Variants in PTPRB observed in about 807,000 individuals in gnomAD.
PTPRB encodes the protein protein tyrosine phosphatase receptor type B, also known as receptor-type tyrosine-protein phosphatase beta.
In PTPRB, 97 loss-of-function variants were observed where a neutral mutation model predicts 238.1. The ratio of observed to expected loss-of-function variants is 0.41; its 90% CI spans 0.35 to 0.48. The LOEUF is 0.48. Among genes scored for constraint, PTPRB ranks in the 20% least tolerant of loss-of-function variants. The pLI is 0.30. For missense variants in PTPRB, 2,292 were observed against 2,681.9 expected (o/e 0.85, Z 3.21); for synonymous variants, 970 against 995.4 (o/e 0.97, Z 0.48).
At chr12:70,574,703 A>G (rs1358963686) in intron 11 of PTPRB, among the ~76,000 whole-genome samples, 1 of 152,218 alleles carries the variant, frequency 6.6e-6, no homozygotes, top group Non-Finnish European at 1.5e-5. Flanking sequence ...CATTAAGATA[A>G]TCAGCCAAAA....
intron 3 of PTPRB, among the ~76,000 whole-genome samples, chr12:70,614,724 G>A (rs1884604378): frequency 6.6e-6 from 1 of 152,098 alleles, no homozygotes; most frequent in African/African-American, 2.4e-5. Context: ...TAGCAATCAG[G>A]GAAATGTGTC....
intron 22 of PTPRB, 62 bp downstream of exon 22, chr12:70,544,495 C>A: frequency 8.8e-7 from 1 of 1,140,422 alleles, no homozygotes; most frequent in Non-Finnish European, 1.3e-6. Context: ...AATATCTCCC[C>A]ATTAGAGGCT....
chr12:70,545,100 T>C (rs183708854), intron 21 of PTPRB, among the ~76,000 whole-genome samples: 187 of 152,310 alleles, frequency 1.2e-3, no homozygotes, highest in African/African-American at 4.3e-3. Context: ...GTGAGAAGTG[T>C]TGGATATATC....
intron 16 of PTPRB, 124 bp downstream of exon 16, chr12:70,562,720 G>T (rs1186725822): frequency 8.0e-7 from 1 of 1,256,128 alleles, no homozygotes; most frequent in Non-Finnish European, 1.1e-6. Context: ...CAGCCTGAAA[G>T]TCACAAATGC....
chr12:70,572,951 T>C (rs1880260116), intron 11 of PTPRB, among the ~76,000 whole-genome samples: 1 of 151,812 alleles, frequency 6.6e-6, no homozygotes, highest in Admixed American at 6.6e-5. Flanking sequence ...ATTAAAAAAC[T>C]ATATAAAAAC....
rs1378146228 is a variant in PTPRB at position 70,576,751 on chromosome 12, G to A, written c.2579-106C>T. ...TCTATTGCAGTCAGCACAAACCGTGGACTCACTCAGGAGATCTAATCTGAT... is the reference window on the plus strand; with the variant it reads ...TCTATTGCAGTCAGCACAAACCGTGAACTCACTCAGGAGATCTAATCTGAT... On this transcript the variant is annotated intron_variant, in intron 10 of 33. Coordinates refer to ENST00000334414, the MANE Select transcript of PTPRB (RefSeq NM_001109754.4). The A allele has an allele frequency of 7.7e-6, 5 of 650,280 alleles. No individual in the cohort carries two copies. In the African/African-American group the frequency reaches 9.1e-5, roughly 12 times the overall value. The allele number at this position is 650,280 out of a possible 1,614,324, so 40.3% of individuals were successfully genotyped here.
At chr12:70,531,956 G>T (rs1873312817) in intron 32 of PTPRB, 79 bp downstream of exon 32, 13 of 1,529,940 alleles carry the variant, frequency 8.5e-6, no homozygotes, top group African/African-American at 1.4e-5. Flanking sequence ...CCCCTTGTCA[G>T]ATTAAGGTCC....
chr12:70,520,141 C>CTCA lies in PTPRB; in HGVS notation c.*1345_*1347dup, dbSNP rs1221839221. On this transcript the variant is annotated 3_prime_UTR_variant, in exon 34 of 34. Transcript: ENST00000334414. The stretch of plus-strand genomic sequence containing the variant: ...GTGTGAAAAAGGCAAACATCTCCAG[C>CTCA]TCATCTTCTCAGGTATCTATGAAGA... 9.3e-6 allele frequency: 4 copies of CTCA among 431,514 alleles called. No homozygotes were observed. Among genetic ancestry groups the CTCA allele is most frequent in the African/African-American group, 4.1e-5 (2 of 48,842 alleles). The allele number at this position is 431,514 out of a possible 1,614,324, so 26.7% of individuals were successfully genotyped here.
At chr12:70,548,323 C>CTA in intron 21 of PTPRB, among the ~76,000 whole-genome samples, 2 of 55,200 alleles carry the variant, frequency 3.6e-5, no homozygotes, top group African/African-American at 1.8e-4. Flanking sequence ...GCAAGACTCT[C>CTA]TCTCTCTCTC....
intron 3 of PTPRB, among the ~76,000 whole-genome samples, chr12:70,621,256 A>C (rs935110649): frequency 2.6e-5 from 4 of 152,118 alleles, no homozygotes; most frequent in African/African-American, 9.7e-5. Flanking sequence ...AGAGTGAGAG[A>C]ATTTGGACAT....
At chr12:70,614,042 AAGG>A (rs377400683) in intron 3 of PTPRB, among the ~76,000 whole-genome samples, 10 of 152,114 alleles carry the variant, frequency 6.6e-5, no homozygotes, top group Admixed American at 6.6e-5. Flanking sequence ...GGAAAAGGAG[AAGG>A]AGGAGGGAGG....
intron 32 of PTPRB, among the ~76,000 whole-genome samples, chr12:70,527,358 A>ATAAC (rs1208819251): frequency 3.3e-5 from 5 of 152,362 alleles, no homozygotes; most frequent in African/African-American, 1.2e-4. Context: ...GTAAGGCAAC[A>ATAAC]TAACATACAA....
In PTPRB at chr12:70,556,155, G is replaced by GAAAC; in HGVS notation, c.4715-11_4715-8dup. ...TTTTGTATCTTGTCAGGCTCTAAAG[G>GAAAC]AAACAGAGGAGGCAACACTTTTCAG... On this transcript the variant is annotated splice_region_variant and splice_polypyrimidine_tract_variant and intron_variant, in intron 18 of 33. Transcript: ENST00000334414. 6.2e-7 allele frequency: 1 copy of GAAAC among 1,608,878 alleles called. No homozygotes were observed. Among genetic ancestry groups the GAAAC allele is most frequent in the Non-Finnish European group, 8.5e-7 (1 of 1,177,144 alleles).
At chr12:70,531,164 G>T (rs1211657986) in intron 32 of PTPRB, among the ~76,000 whole-genome samples, 1 of 152,186 alleles carries the variant, frequency 6.6e-6, no homozygotes, top group Non-Finnish European at 1.5e-5. Context: ...GGGATTAGTG[G>T]GTTCAATAAA....
chr12:70,564,160 A>G (rs1335629310), intron 15 of PTPRB, among the ~76,000 whole-genome samples: 1 of 152,146 alleles, frequency 6.6e-6, no homozygotes. Flanking sequence ...CATTTCTTTC[A>G]GATTTTTACT....
rs534194390 is a variant in PTPRB at position 70,551,175 on chromosome 12, C to T, written c.5387+1602G>A. The stretch of plus-strand genomic sequence containing the variant: ...CCTCCCAAAGTGCTGGGATTACAGG[C>T]GTGAGCCTCCACGCCCAGCCGCATC... On this transcript the variant is annotated intron_variant, in intron 21 of 33. Coordinates refer to ENST00000334414, the MANE Select transcript of PTPRB (RefSeq NM_001109754.4). Among the ~76,000 whole-genome samples the T allele has an allele frequency of 3.6e-4, 54 of 152,044 alleles. 1 individual carries two copies. The highest frequency in any genetic ancestry group is 6.8e-4 in the Non-Finnish European group (46 of 67,986).
At chr12:70,579,771 C>A (rs1385971487) in intron 10 of PTPRB, among the ~76,000 whole-genome samples, 10 of 151,334 alleles carry the variant, frequency 6.6e-5, no homozygotes, top group Non-Finnish European at 1.0e-4. Context: ...GGGCATACAC[C>A]AGTGAATTTC....
Position 70,566,417 on chromosome 12 carries a change from T to G in PTPRB, c.3904+18A>C, listed in dbSNP as rs747762093. 6.2e-7 allele frequency: 1 copy of G among 1,611,614 alleles called. No individual in the cohort carries two copies. Among genetic ancestry groups the G allele is most frequent in the East Asian group, 2.2e-5 (1 of 44,858 alleles). ...CATTGGCAATATGTGCTACAAAACA[T>G]TATGCTGTGCTAATTACCTGTTCGG... is the stretch of plus-strand genomic sequence containing the variant. On this transcript the variant is annotated intron_variant, in intron 15 of 33. Transcript: ENST00000334414.
At chr12:70,601,948 G>A (rs1294057115) in intron 4 of PTPRB, among the ~76,000 whole-genome samples, 1 of 143,056 alleles carries the variant, frequency 7.0e-6, no homozygotes, top group Non-Finnish European at 1.5e-5. Context: ...CCGCCACCAC[G>A]CCCGGCTAAG....
Sources: allele counts gnomAD v4.1 joint callset (sites outside exome capture counted in the v4.1 genomes callset), GRCh38; gene constraint gnomAD v4.1.1; transcripts MANE v1.5; gene names NCBI Gene and HGNC (gene_info 2026-07-23, HGNC 2026-07-21).